Variants in EIF4E observed in about 807,000 individuals in gnomAD.
EIF4E encodes the protein eIF-4F 25 kDa subunit.
For missense variants in EIF4E, 113 were observed against 265.6 expected, an observed-to-expected ratio of 0.43 and a Z score of 3.99; for synonymous variants, 71 against 88.5, an observed-to-expected ratio of 0.80 and a Z score of 1.11.
At chr4:98,895,862 A>C in intron 2 of EIF4E, among the ~76,000 whole-genome samples, 1 of 151,428 alleles carries the variant, frequency 6.6e-6, no homozygotes, top group Non-Finnish European at 1.5e-5. Context: ...ACTAGCCTGG[A>C]CAACAAAGTG....
At chr4:98,902,108 G>C in intron 1 of EIF4E, 126 bp from the exon 2 acceptor site, 1 of 797,768 alleles carries the variant, frequency 1.3e-6, no homozygotes, top group South Asian at 1.6e-5. Flanking sequence ...TCTCTCTGTT[G>C]CCCAGGCTGG....
intron 2 of EIF4E, among the ~76,000 whole-genome samples, chr4:98,898,917 C>T (rs1724530869): frequency 6.6e-6 from 1 of 151,630 alleles, no homozygotes. Flanking sequence ...TACATCCACG[C>T]AAGTGACTAC....
chr4:98,891,459 T>A, intron 2 of EIF4E, 127 bp from the exon 3 acceptor site: 2 of 759,036 alleles, frequency 2.6e-6, no homozygotes, highest in Non-Finnish European at 4.5e-6. Flanking sequence ...AAAATGTATA[T>A]ATACACACAA....
At chr4:98,916,286 C>CAG (rs1553933703) in intron 1 of EIF4E, among the ~76,000 whole-genome samples, 2 of 106,960 alleles carry the variant, frequency 1.9e-5, no homozygotes, top group African/African-American at 6.3e-5. Flanking sequence ...ATTCAGAGGA[C>CAG]AAAAAAAAAA....
chr4:98,896,436 G>A (rs1484790177), intron 2 of EIF4E, among the ~76,000 whole-genome samples: 1 of 135,304 alleles, frequency 7.4e-6, no homozygotes, highest in Admixed American at 8.0e-5. Flanking sequence ...ACTGCTTGAG[G>A]TCAGGAGTTT....
intron 6 of EIF4E, among the ~76,000 whole-genome samples, chr4:98,883,392 A>AT (rs1479416116): frequency 0.01 from 1,090 of 108,578 alleles, 8 homozygotes; most frequent in Non-Finnish European, 0.014. Flanking sequence ...TTGTAAGTCA[A>AT]ATTTTTTTTT....
At position 98,879,782 on chromosome 4, in the gene EIF4E, C is replaced by T. The variant is rs964021875; in HGVS notation, c.*1246G>A. ...AGATCCCAATTCTCATGAGTATTAA[C>T]ATATTAAGAGAGTACATTATTTACC... On this transcript the variant is annotated 3_prime_UTR_variant, in exon 7 of 7. Transcript: ENST00000450253. 6.6e-6 allele frequency: 1 copy of T among 152,074 alleles called. No homozygotes were observed. The highest frequency in any genetic ancestry group is 1.5e-5 in the Non-Finnish European group (1 of 67,990). The allele number at this position is 152,074 out of a possible 1,614,324, so 9.4% of individuals were successfully genotyped here. A position where few individuals can be genotyped will look rare whatever the true frequency, so the allele number is the denominator to read the frequency against.
At chr4:98,891,162 G>T in intron 3 of EIF4E, 75 bp downstream of exon 3, 1 of 1,494,578 alleles carries the variant, frequency 6.7e-7, no homozygotes. Context: ...ACTTCATTTT[G>T]TGAATTCGAC....
At chr4:98,919,275 A>T (rs1469745110) in intron 1 of EIF4E, among the ~76,000 whole-genome samples, 2 of 151,422 alleles carry the variant, frequency 1.3e-5, no homozygotes, top group South Asian at 4.2e-4. Context: ...ACTGCACTCC[A>T]GCCTGACAAC....
At chr4:98,922,373 T>C (rs1302456897) in intron 1 of EIF4E, among the ~76,000 whole-genome samples, 2 of 152,078 alleles carry the variant, frequency 1.3e-5, no homozygotes, top group African/African-American at 2.4e-5. Flanking sequence ...CTGGCCAATA[T>C]GGTGAAACCC....
intron 1 of EIF4E, among the ~76,000 whole-genome samples, chr4:98,915,347 A>C (rs921462373): frequency 3.3e-5 from 5 of 152,186 alleles, no homozygotes; most frequent in Non-Finnish European, 7.3e-5. Flanking sequence ...AGTGAACCAA[A>C]ATATTACCAG....
In EIF4E at chr4:98,896,502, A is replaced by C. The variant is rs536177253; in HGVS notation, c.126-5170T>G. Among the ~76,000 whole-genome samples, 788 of 148,370 alleles carry C rather than the reference A, an allele frequency of 5.3e-3. 17 individuals are homozygous for C. The highest frequency in any genetic ancestry group is 0.018 in the African/African-American group (740 of 40,056). On this transcript the variant is annotated intron_variant, in intron 2 of 6. Transcript: ENST00000450253. ...CGCATCTCTCAAAAAAAAAAAAAAA[A>C]AAAAAAAACACCTTAGCTAGCCATG...
intron 2 of EIF4E, among the ~76,000 whole-genome samples, chr4:98,898,838 T>C (rs1724527846): frequency 6.6e-6 from 1 of 152,038 alleles, no homozygotes; most frequent in South Asian, 2.1e-4. Flanking sequence ...GAGTCACCAA[T>C]AATTTTTAAG....
At chr4:98,893,494 G>C (rs1336058404) in intron 2 of EIF4E, among the ~76,000 whole-genome samples, 2 of 152,178 alleles carry the variant, frequency 1.3e-5, no homozygotes, top group African/African-American at 4.8e-5. Flanking sequence ...CAAATCCTTT[G>C]TTGTCACTTC....
chr4:98,893,000 G>C (rs1724221001), intron 2 of EIF4E, among the ~76,000 whole-genome samples: 1 of 152,098 alleles, frequency 6.6e-6, no homozygotes, highest in Non-Finnish European at 1.5e-5. Context: ...TGTGAGTCCA[G>C]TTCCAGATCA....
At chr4:98,883,053 A>G (rs565793654) in intron 6 of EIF4E, among the ~76,000 whole-genome samples, 1 of 152,292 alleles carries the variant, frequency 6.6e-6, no homozygotes, top group South Asian at 2.1e-4. Context: ...TGGGAGGCTG[A>G]GGCAGGTGGA....
chr4:98,914,871 G>A (rs1168528709), intron 1 of EIF4E, among the ~76,000 whole-genome samples: 1 of 152,090 alleles, frequency 6.6e-6, no homozygotes, highest in African/African-American at 2.4e-5. Flanking sequence ...TACCTGCACC[G>A]GGGCAAGGAG....
chr4:98,923,092 C>A (rs1413107555), intron 1 of EIF4E, among the ~76,000 whole-genome samples: 1 of 151,630 alleles, frequency 6.6e-6, no homozygotes, highest in Non-Finnish European at 1.5e-5. Context: ...CTCAGGTGAT[C>A]CGCCCACCTC....
chr4:98,891,410 A>C (rs1724138131), intron 2 of EIF4E, 78 bp from the exon 3 acceptor site: 6 of 1,308,440 alleles, frequency 4.6e-6, no homozygotes, highest in South Asian at 1.3e-5. Context: ...AAAAGTCAAA[A>C]GGTAGAAGCA....
Sources: allele counts gnomAD v4.1 joint callset (sites outside exome capture counted in the v4.1 genomes callset), GRCh38; gene constraint gnomAD v4.1.1; transcripts MANE v1.5; gene names NCBI Gene and HGNC (gene_info 2026-07-23, HGNC 2026-07-21).